The following NRIP3 variants were observed in gnomAD, a reference collection of about 807,000 sequenced individuals.
NRIP3 encodes the protein nuclear receptor-interacting protein 3.
A neutral mutation model predicts 29.0 loss-of-function variants in NRIP3; 31 were observed. The ratio of observed to expected loss-of-function variants is 1.07; its 90% CI spans 0.80 to 1.44. The LOEUF is 1.44. NRIP3 is among the 40% of genes most tolerant of loss of function. NRIP3 has a pLI of 0.00. For synonymous variants in NRIP3, 131 were observed against 118.3 expected, an observed-to-expected ratio of 1.11 and a Z score of -0.70; for missense variants, 314 against 297.9, an observed-to-expected ratio of 1.05 and a Z score of -0.40.
At chr11:8,987,688 T>C in intron 2 of NRIP3, 58 bp from the exon 3 acceptor site, 6 of 1,291,926 alleles carry the variant, frequency 4.6e-6, no homozygotes, top group Non-Finnish European at 5.6e-6. Context: ...GGAAAGGAGA[T>C]GCAGACAGCA....
chr11:9,001,142 A>G (rs1854787574), intron 1 of NRIP3, among the ~76,000 whole-genome samples: 1 of 152,224 alleles, frequency 6.6e-6, no homozygotes, highest in Admixed American at 6.5e-5. Context: ...AGAATGAACA[A>G]TACAAGATAA....
intron 4 of NRIP3, among the ~76,000 whole-genome samples, chr11:8,984,979 G>A (rs149276254): frequency 0.016 from 2,467 of 151,718 alleles, 57 homozygotes; most frequent in South Asian, 0.091. Context: ...AGCCTCCCAA[G>A]TAGCTGGGAT....
intron 4 of NRIP3, 67 bp from the exon 5 acceptor site, chr11:8,984,191 A>T (rs755018191): frequency 2.9e-5 from 28 of 965,822 alleles, no homozygotes; most frequent in Non-Finnish European, 4.5e-5. Context: ...TGGCCTAATC[A>T]CTATTAGGTT....
At chr11:9,003,687 C>T (rs1173621819) in intron 1 of NRIP3, 75 bp downstream of exon 1, 1 of 1,315,622 alleles carries the variant, frequency 7.6e-7, no homozygotes, top group African/African-American at 1.6e-5. Flanking sequence ...CAGTGAAAGC[C>T]GCAACGGCCG....
chr11:8,988,118 C>A lies in NRIP3; in HGVS notation c.339G>T (p.Gln113His). ...GGAAAAGCTGTTCTCAGAACATTAC[C>A]TGGCAAGAAACCAAAATCATGTCAT... ...EEDDMILVSC[Q>H]CAGKDVKALV... The change falls in exon 2 of 7, where the codon CAG (glutamine) becomes CAT (histidine). Residue 113 changes from glutamine to histidine, a missense_variant and splice_region_variant. Physicochemically the swap from Gln to His is conservative, Grantham distance 24 (BLOSUM62 0). Transcript: ENST00000309166. 6.2e-7 allele frequency: 1 copy of A among 1,613,910 alleles called. No individual in the cohort carries two copies. Among genetic ancestry groups the A allele is most frequent in the Non-Finnish European group, 8.5e-7 (1 of 1,179,944 alleles).
In NRIP3 at chr11:9,003,854, G is replaced by C; in HGVS notation, c.82C>G (p.Arg28Gly). The C allele has an allele frequency of 2.0e-6, 3 of 1,521,694 alleles. No homozygotes were observed. Among genetic ancestry groups the C allele is most frequent in the Non-Finnish European group, 2.6e-6 (3 of 1,136,130 alleles). 94.3% of individuals were successfully genotyped at this position (1,521,694 alleles called of 1,614,324 possible). ...ATGAACTGCACCGCCTGCTTCATCC[G>C]GCGCTGCTGTCGCAGTGACGCCGCC... ...REAASLRQQR[R>G]MKQAVQFIHK... Residue 28 changes from arginine (R) to glycine (G), a missense_variant, in exon 1 of 7, where the codon CGG becomes GGG. Transcript: ENST00000309166.
rs747856932 is a variant in NRIP3, at chr11:8,987,566, G to T, written c.404C>A (p.Ala135Asp). Residue 135 changes from alanine to aspartate, a missense_variant, in exon 3 of 7, where the codon GCC becomes GAC. Physicochemically the swap from Ala to Asp is moderately radical, Grantham distance 126. Coordinates refer to ENST00000309166, the MANE Select transcript of NRIP3 (RefSeq NM_020645.3). ...TGCLYNLISL[A>D]CVDRLGLKEH... ...TACTTACCCCAATCTGTCCACACAG[G>T]CCAAAGAGATGAGATTATATAGGCA... 6 of 1,613,756 alleles carry T rather than the reference G, an allele frequency of 3.7e-6. No homozygotes were observed. Among genetic ancestry groups the T allele is most frequent in the Non-Finnish European group, 4.2e-6 (5 of 1,179,696 alleles).
In NRIP3 at chr11:9,003,974, G is replaced by A. The variant is rs566216923; in HGVS notation, c.-39C>T. On this transcript the variant is annotated 5_prime_UTR_variant, in exon 1 of 7. Transcript: ENST00000309166. Reference sequence around the variant, plus strand: ...GCGGCCCGGTAGCCCACAGCCCCCCGGCAGCCTCAGCCTCGAGCTCCTCCA... The same window carrying A: ...GCGGCCCGGTAGCCCACAGCCCCCCAGCAGCCTCAGCCTCGAGCTCCTCCA... 1.0e-4 allele frequency: 147 copies of A among 1,457,730 alleles called. 1 individual carries two copies. In the Middle Eastern group the frequency reaches 2.2e-3, roughly 22 times the overall value. 90.3% of individuals were successfully genotyped at this position (1,457,730 alleles called of 1,614,324 possible).
intron 1 of NRIP3, among the ~76,000 whole-genome samples, chr11:8,991,104 A>C (rs1854591933): frequency 6.6e-6 from 1 of 152,148 alleles, no homozygotes; most frequent in East Asian, 1.9e-4. Flanking sequence ...GATGGAGACC[A>C]TTCTGGCTAA....
At chr11:8,995,381 G>A (rs1854683987) in intron 1 of NRIP3, among the ~76,000 whole-genome samples, 2 of 152,138 alleles carry the variant, frequency 1.3e-5, no homozygotes, top group African/African-American at 4.8e-5. Context: ...TCATAAAGGA[G>A]GTTTGAACTC....
chr11:8,989,413 A>T (rs1854564410), intron 1 of NRIP3, among the ~76,000 whole-genome samples: 3 of 152,190 alleles, frequency 2.0e-5, no homozygotes, highest in Admixed American at 2.0e-4. Context: ...CTTTCATTCT[A>T]TGGGGAAGGA....
At position 9,003,813 on chromosome 11, in the gene NRIP3, G is replaced by A. The variant is rs1179122054; in HGVS notation, c.123C>T (p.Ala41=). Residue 41 remains alanine, a synonymous_variant, in exon 1 of 7, where the codon GCC becomes GCT. Transcript: ENST00000309166. The stretch of plus-strand genomic sequence containing the variant: ...TGAGGCCGTCCAGGGGCAGCAGGTC[G>A]GCGGAGTCCTTGTGGATGAACTGCA... ...QAVQFIHKDS[A]DLLPLDGLKK... 4 of 1,513,986 alleles carry A rather than the reference G, an allele frequency of 2.6e-6. No homozygotes were observed. Among genetic ancestry groups the A allele is most frequent in the Admixed American group, 2.1e-5 (1 of 47,586 alleles). 93.8% of individuals were successfully genotyped at this position (1,513,986 alleles called of 1,614,324 possible). A position where few individuals can be genotyped will look rare whatever the true frequency, so the allele number is the denominator to read the frequency against.
chr11:8,983,930 T>G lies in NRIP3; in HGVS notation c.655A>C (p.Lys219Gln). ...NLDKHRLIMG[K>Q]TDKEEIPFVE... ...AAAGGGATTTCTTCCTTGTCTGTCTTCCCCATGATCAGCCGGTGCTTATCC... is the reference window on the plus strand; with the variant it reads ...AAAGGGATTTCTTCCTTGTCTGTCTGCCCCATGATCAGCCGGTGCTTATCC... The change falls in exon 6 of 7, where the codon AAG becomes CAG. Residue 219 changes from lysine (K) to glutamine (Q), a missense_variant. By Grantham distance (53) the Lys-to-Gln change is moderately conservative. Coordinates refer to ENST00000309166, the MANE Select transcript of NRIP3 (RefSeq NM_020645.3). 1.2e-6 allele frequency: 2 copies of G among 1,614,152 alleles called. No individual in the cohort carries two copies. Among genetic ancestry groups the G allele is most frequent in the Non-Finnish European group, 1.7e-6 (2 of 1,180,030 alleles).
chr11:8,984,165 A>T lies in NRIP3; in HGVS notation c.563-41T>A, dbSNP rs564068765. On this transcript the variant is annotated intron_variant, in intron 4 of 6. Transcript: ENST00000309166. ...AAATGATTAAGATTTAGCCATTTCC[A>T]TGCTTGCTTAGAAGTTGGCCTAATC... The T allele has an allele frequency of 3.2e-4, 461 of 1,432,468 alleles. 6 individuals are homozygous for T. The South Asian group carries it at 5.0e-3, about 15-fold the overall frequency. The allele number at this position is 1,432,468 out of a possible 1,614,324, so 88.7% of individuals were successfully genotyped here. A position where few individuals can be genotyped will look rare whatever the true frequency, so the allele number is the denominator to read the frequency against.
Position 9,003,880 on chromosome 11 carries a change from TC to T in NRIP3, c.55del (p.Glu19ArgfsTer11). ...EGGRKETDMR[E>X]AASLRQQRRM... ...GCGCTGCTGTCGCAGTGACGCCGCCTCCCGCATGTCGGTCTCCTTGCGGCCG... is the reference window on the plus strand; with the variant it reads ...GCGCTGCTGTCGCAGTGACGCCGCCTCCGCATGTCGGTCTCCTTGCGGCCG... On this transcript the variant is annotated frameshift_variant, in exon 1 of 7. Coordinates refer to ENST00000309166, the MANE Select transcript of NRIP3 (RefSeq NM_020645.3). LOFTEE classifies it high-confidence loss of function. 2 of 1,522,294 alleles carry T rather than the reference TC, an allele frequency of 1.3e-6. No individual in the cohort carries two copies. Among genetic ancestry groups the T allele is most frequent in the East Asian group, 2.7e-5 (1 of 36,434 alleles). The allele number at this position is 1,522,294 out of a possible 1,614,324, so 94.3% of individuals were successfully genotyped here. A position where few individuals can be genotyped will look rare whatever the true frequency, so the allele number is the denominator to read the frequency against.
intron 1 of NRIP3, among the ~76,000 whole-genome samples, chr11:8,991,538 A>T (rs557925433): frequency 1.2e-4 from 19 of 152,340 alleles, no homozygotes; most frequent in African/African-American, 4.6e-4. Context: ...AATGACAGTA[A>T]AAGAATAAGT....
intron 1 of NRIP3, among the ~76,000 whole-genome samples, chr11:8,993,345 A>G (rs892441991): frequency 6.6e-6 from 1 of 152,246 alleles, no homozygotes; most frequent in Non-Finnish European, 1.5e-5. Flanking sequence ...TGTTTTTATG[A>G]GAAAAGAAAT....
chr11:9,003,170 T>C (rs78671649), intron 1 of NRIP3, among the ~76,000 whole-genome samples: 3,385 of 152,064 alleles, frequency 0.022, 82 homozygotes, highest in Non-Finnish European at 0.027. Context: ...AAGAGGAGAA[T>C]GATGAAGAGA....
rs746688592 is a variant in NRIP3 at position 8,985,737 on chromosome 11, C to A, written c.536G>T (p.Arg179Leu). 6.2e-7 allele frequency: 1 copy of A among 1,614,036 alleles called. No individual in the cohort carries two copies. The highest frequency in any genetic ancestry group is 8.5e-7 in the Non-Finnish European group (1 of 1,180,008). Residue 179 changes from arginine (R) to leucine (L), a missense_variant, in exon 4 of 7, where the codon CGC becomes CTC. Physicochemically the swap from Arg to Leu is moderately radical, Grantham distance 102. Coordinates refer to ENST00000309166, the MANE Select transcript of NRIP3 (RefSeq NM_020645.3). ...EHLVITLGSL[R>L]LDCPAAVVDD... ...AACCACAGCTGCTGGGCAGTCCAGG[C>A]GGAGGGAGCCCAGTGTGATCACTAG... is the stretch of plus-strand genomic sequence containing the variant.
Sources: gnomAD v4.1 joint callset for allele counts (sites outside exome capture counted in the v4.1 genomes callset) on GRCh38, gnomAD v4.1.1 for gene constraint, MANE v1.5 for transcripts, NCBI Gene and HGNC (gene_info 2026-07-23, HGNC 2026-07-21) for gene names.